Variants in MS4A10 observed in about 807,000 individuals in gnomAD.
MS4A10 encodes membrane-spanning 4-domains subfamily A member 10.
In MS4A10, 27 loss-of-function variants were observed where a neutral mutation model predicts 27.7. That is an observed-to-expected ratio of 0.98 (90% CI 0.72 to 1.35). The LOEUF (loss-of-function observed/expected upper bound fraction) is 1.35, where lower values mean the gene tolerates loss of function less well. Ranked by LOEUF, MS4A10 falls within the 40% of genes most tolerant of loss-of-function variation. The probability of loss-of-function intolerance (pLI) is 0.00; values close to 1 mark genes in which losing one functional copy is unlikely to be tolerated. For missense variants in MS4A10, 338 were observed against 324.7 expected (o/e 1.04, Z -0.32); for synonymous variants, 139 against 131.2 (o/e 1.06, Z -0.41).
In MS4A10 at chr11:60,800,641, C is replaced by T. The variant is rs929406017; in HGVS notation, c.*732C>T. ...TGTGGTCACTAGCTTGGCCATAGCACCTCTCTTCTCCACTTCTGATCTGCT... is the reference window on the plus strand; with the variant it reads ...TGTGGTCACTAGCTTGGCCATAGCATCTCTCTTCTCCACTTCTGATCTGCT... On this transcript the variant is annotated 3_prime_UTR_variant, in exon 8 of 8. Transcript: ENST00000308287. 1 of 152,246 alleles carries T rather than the reference C, an allele frequency of 6.6e-6. No homozygotes were observed. Among genetic ancestry groups the T allele is most frequent in the African/African-American group, 2.4e-5 (1 of 41,444 alleles). 9.4% of individuals were successfully genotyped at this position (152,246 alleles called of 1,614,324 possible).
chr11:60,800,040 G>A lies in MS4A10; in HGVS notation c.*131G>A. ...AGCGATGGTCTATACAGCAAAGTCA[G>A]CCCTCACAGCTCCTGGGAACGCTGT... On this transcript the variant is annotated 3_prime_UTR_variant, in exon 8 of 8. Transcript: ENST00000308287. 1 of 1,338,116 alleles carries A rather than the reference G, an allele frequency of 7.5e-7. No homozygotes were observed. The highest frequency in any genetic ancestry group is 1.0e-6 in the Non-Finnish European group (1 of 985,144). The allele number at this position is 1,338,116 out of a possible 1,614,324, so 82.9% of individuals were successfully genotyped here. A position where few individuals can be genotyped will look rare whatever the true frequency, so the allele number is the denominator to read the frequency against.
rs557115745 is a variant in MS4A10 at position 60,790,429 on chromosome 11, G to T, written c.94G>T (p.Ala32Ser). ...CCCAGTCCAGCCCTGGCAGACAAGTGCACCCCAGAACACGACCCAGCCCAA... is the reference window on the plus strand; with the variant it reads ...CCCAGTCCAGCCCTGGCAGACAAGTTCACCCCAGAACACGACCCAGCCCAA... ...LSPVQPWQTS[A>S]PQNTTQPKLL... The change falls in exon 2 of 8, where the codon GCA (alanine) becomes TCA (serine). Residue 32 changes from alanine to serine, a missense_variant. By Grantham distance (99) the Ala-to-Ser change is moderately conservative. Transcript: ENST00000308287. The T allele has an allele frequency of 6.2e-7, 1 of 1,614,134 alleles. No homozygotes were observed. The highest frequency in any genetic ancestry group is 1.7e-5 in the Admixed American group (1 of 60,018).
Position 60,794,118 on chromosome 11 carries a change from C to T in MS4A10, c.492+15C>T. On this transcript the variant is annotated intron_variant, in intron 5 of 7. Coordinates refer to ENST00000308287, the MANE Select transcript of MS4A10 (RefSeq NM_206893.4). ...CCAACTCCACGGTGAGTACCCAGGC[C>T]TGGAGGGCCCTCTGACTTCAGCGAA... is the stretch of plus-strand genomic sequence containing the variant. The T allele has an allele frequency of 6.2e-7, 1 of 1,613,766 alleles. No homozygotes were observed. The highest frequency in any genetic ancestry group is 1.1e-5 in the South Asian group (1 of 91,012).
At chr11:60,799,112 C>T (rs1854586004) in intron 7 of MS4A10, among the ~76,000 whole-genome samples, 1 of 152,194 alleles carries the variant, frequency 6.6e-6, no homozygotes, top group South Asian at 2.1e-4. Flanking sequence ...TTTTTGCCCT[C>T]CTGGACCTCA....
At chr11:60,799,133 C>CT (rs1264564587) in intron 7 of MS4A10, among the ~76,000 whole-genome samples, 1 of 152,174 alleles carries the variant, frequency 6.6e-6, no homozygotes, top group African/African-American at 2.4e-5. Context: ...GTGTCTCCAT[C>CT]TGTAAAGTGG....
chr11:60,789,873 G>A (rs1242575711), intron 1 of MS4A10, among the ~76,000 whole-genome samples: 1 of 152,156 alleles, frequency 6.6e-6, no homozygotes, highest in Non-Finnish European at 1.5e-5. Context: ...CAGGAGGCAT[G>A]GGCACCACCA....
At chr11:60,795,501 C>A in intron 5 of MS4A10, 54 bp from the exon 6 acceptor site, 2 of 1,214,558 alleles carry the variant, frequency 1.6e-6, no homozygotes, top group Non-Finnish European at 2.2e-6. Context: ...CCACGTGATG[C>A]GTGCAGACAC....
chr11:60,787,472 GT>G (rs1854359244), intron 1 of MS4A10, among the ~76,000 whole-genome samples: 1 of 152,106 alleles, frequency 6.6e-6, no homozygotes, highest in Non-Finnish European at 1.5e-5. Flanking sequence ...TCCTCTCCTG[GT>G]TGTATAAAAT....
rs759581290 is a variant in MS4A10, at chr11:60,799,948, A to G, written c.*39A>G. ...GACAATGCCCAAACTTGGTTGGAGC[A>G]TAGCCCCTGCTCTCCCAAAGTTGCA... On this transcript the variant is annotated 3_prime_UTR_variant, in exon 8 of 8. Transcript: ENST00000308287. The G allele has an allele frequency of 9.3e-6, 15 of 1,613,870 alleles. No individual in the cohort carries two copies. Among genetic ancestry groups the G allele is most frequent in the South Asian group, 5.5e-5 (5 of 91,052 alleles).
rs757448485 is a variant in MS4A10, at chr11:60,790,941, C to T, written c.184-33C>T. On this transcript the variant is annotated intron_variant, in intron 2 of 7. Coordinates refer to ENST00000308287, the MANE Select transcript of MS4A10 (RefSeq NM_206893.4). ...CTCAATTAGAGCCAGTGACCGATGCCCTCACCCCAGCCATTCTCTCTTCCC... is the reference window on the plus strand; with the variant it reads ...CTCAATTAGAGCCAGTGACCGATGCTCTCACCCCAGCCATTCTCTCTTCCC... 1.6e-5 allele frequency: 25 copies of T among 1,612,490 alleles called. 1 individual carries two copies. The East Asian group carries it at 1.8e-4, about 11-fold the overall frequency.
Position 60,798,386 on chromosome 11 carries a change from T to C in MS4A10, c.604-10T>C, listed in dbSNP as rs1280152315. 6.2e-7 allele frequency: 1 copy of C among 1,610,948 alleles called. No homozygotes were observed. The highest frequency in any genetic ancestry group is 8.5e-7 in the Non-Finnish European group (1 of 1,177,530). On this transcript the variant is annotated splice_polypyrimidine_tract_variant and intron_variant, in intron 6 of 7. Coordinates refer to ENST00000308287, the MANE Select transcript of MS4A10 (RefSeq NM_206893.4). ...TGTGAGCAGCAGGGGCGGCGACTTT[T>C]CTTTCGCAGAATGATGATGCATGCC...
chr11:60,798,794 G>A (rs867101285), intron 7 of MS4A10, among the ~76,000 whole-genome samples: 1 of 152,198 alleles, frequency 6.6e-6, no homozygotes, highest in African/African-American at 2.4e-5. Flanking sequence ...AGGACCCATC[G>A]CCTTCCCTGC....
At chr11:60,786,465 C>G (rs1340246476) in intron 1 of MS4A10, among the ~76,000 whole-genome samples, 1 of 152,140 alleles carries the variant, frequency 6.6e-6, no homozygotes, top group East Asian at 1.9e-4. Flanking sequence ...TACCCCCACC[C>G]CAGGGCCCCA....
chr11:60,788,172 T>C (rs1232992057), intron 1 of MS4A10, among the ~76,000 whole-genome samples: 1 of 152,176 alleles, frequency 6.6e-6, no homozygotes, highest in African/African-American at 2.4e-5. Flanking sequence ...AGGCTAACCA[T>C]GGTTTCTCAA....
chr11:60,789,002 C>A (rs533718829), intron 1 of MS4A10, among the ~76,000 whole-genome samples: 1 of 152,368 alleles, frequency 6.6e-6, no homozygotes, highest in African/African-American at 2.4e-5. Context: ...GCTCACCCAA[C>A]TGTGAGGCCC....
At chr11:60,792,774 C>T (rs1276896844) in intron 4 of MS4A10, among the ~76,000 whole-genome samples, 1 of 152,228 alleles carries the variant, frequency 6.6e-6, no homozygotes, top group Non-Finnish European at 1.5e-5. Context: ...TGCCCAAACA[C>T]CTTGCCCTCT....
In MS4A10 at chr11:60,795,540, C is replaced by G. The variant is rs368804476; in HGVS notation, c.493-15C>G. On this transcript the variant is annotated splice_polypyrimidine_tract_variant and intron_variant, in intron 5 of 7. Coordinates refer to ENST00000308287, the MANE Select transcript of MS4A10 (RefSeq NM_206893.4). Reference sequence around the variant, plus strand: ...GCGAGGCCTCACCCTGCCTTCCTTCCCTCTACCCTCTCAGGTCCACATCCA... The same window carrying G: ...GCGAGGCCTCACCCTGCCTTCCTTCGCTCTACCCTCTCAGGTCCACATCCA... The G allele has an allele frequency of 6.6e-6, 10 of 1,514,412 alleles. No homozygotes were observed. Among genetic ancestry groups the G allele is most frequent in the Non-Finnish European group, 8.9e-6 (10 of 1,129,600 alleles). 93.8% of individuals were successfully genotyped at this position (1,514,412 alleles called of 1,614,324 possible). A position where few individuals can be genotyped will look rare whatever the true frequency, so the allele number is the denominator to read the frequency against.
intron 1 of MS4A10, among the ~76,000 whole-genome samples, chr11:60,787,590 G>A (rs1211100641): frequency 6.6e-6 from 1 of 152,100 alleles, no homozygotes; most frequent in African/African-American, 2.4e-5. Flanking sequence ...ATGCACGTGA[G>A]CAAACCAAAA....
chr11:60,796,105 T>C (rs1439802625), intron 6 of MS4A10, among the ~76,000 whole-genome samples: 1 of 152,092 alleles, frequency 6.6e-6, no homozygotes, highest in Non-Finnish European at 1.5e-5. Flanking sequence ...GTGTGGAGTT[T>C]GGCTGTAGTG....
Sources: allele counts gnomAD v4.1 joint callset (sites outside exome capture counted in the v4.1 genomes callset), GRCh38; gene constraint gnomAD v4.1.1; transcripts MANE v1.5; gene names NCBI Gene and HGNC (gene_info 2026-07-23, HGNC 2026-07-21).